Variants in PTPRD observed in about 807,000 individuals in gnomAD.
PTPRD encodes receptor-type tyrosine-protein phosphatase delta.
A neutral mutation model predicts 214.5 loss-of-function variants in PTPRD; 34 were observed. The ratio of observed to expected loss-of-function variants is 0.16; its 90% CI spans 0.12 to 0.21. The LOEUF is 0.21. PTPRD is among the 10% of genes least tolerant of loss of function. The pLI is 1.00. For missense variants in PTPRD, 2,545 were observed against 2,398.7 expected (o/e 1.06, Z -1.27); for synonymous variants, 1,128 against 845.7 (o/e 1.33, Z -5.79).
chr9:9,873,683 G>A lies in PTPRD; in HGVS notation c.-368+64824C>T, dbSNP rs570670567. On this transcript the variant is annotated intron_variant, in intron 5 of 45. Transcript: ENST00000381196. ...ATGTAGTTTGCTATTTAAATAACAC[G>A]AATTATGTAAATGCTCCAAACTGAG... Among the ~76,000 whole-genome samples the A allele has an allele frequency of 1.3e-3, 198 of 152,106 alleles. 1 individual carries two copies. The highest frequency in any genetic ancestry group is 7.5e-3 in the Admixed American group (115 of 15,260).
chr9:10,057,325 G>A (rs1296635741), intron 3 of PTPRD, among the ~76,000 whole-genome samples: 1 of 152,084 alleles, frequency 6.6e-6, no homozygotes, highest in Non-Finnish European at 1.5e-5. Flanking sequence ...ATTTAACAGA[G>A]GAAATTTAAT....
chr9:8,526,697 G>T, intron 16 of PTPRD, 53 bp from the exon 17 acceptor site: 1 of 1,451,764 alleles, frequency 6.9e-7, no homozygotes, highest in Non-Finnish European at 9.4e-7. Context: ...GCATTAGTAC[G>T]AGAAGAAGGA....
chr9:10,339,651 G>C (rs1399943043), intron 3 of PTPRD, among the ~76,000 whole-genome samples: 1 of 151,570 alleles, frequency 6.6e-6, no homozygotes, highest in African/African-American at 2.4e-5. Flanking sequence ...TGGATATTGG[G>C]ACCTCCTCAA....
intron 6 of PTPRD, among the ~76,000 whole-genome samples, chr9:9,738,193 G>GTATACA (rs536918050): frequency 4.6e-5 from 7 of 152,138 alleles, no homozygotes; most frequent in Admixed American, 3.3e-4. Flanking sequence ...CGTGGCACAT[G>GTATACA]TATACATATG....
At chr9:9,943,333 T>G (rs886079029) in intron 4 of PTPRD, among the ~76,000 whole-genome samples, 1 of 152,106 alleles carries the variant, frequency 6.6e-6, no homozygotes, top group Non-Finnish European at 1.5e-5. Flanking sequence ...TGTACAGTAG[T>G]CAGATTAAAA....
intron 12 of PTPRD, among the ~76,000 whole-genome samples, chr9:8,702,345 G>A (rs115252383): frequency 0.011 from 1,632 of 151,728 alleles, 21 homozygotes; most frequent in African/African-American, 0.037. Context: ...CTTATCTTCT[G>A]TGGTCTTTTT....
intron 2 of PTPRD, among the ~76,000 whole-genome samples, chr9:10,382,840 C>T (rs2097848871): frequency 6.6e-6 from 1 of 151,650 alleles, no homozygotes; most frequent in African/African-American, 2.4e-5. Context: ...AATAATGGGG[C>T]TATTTTTAAA....
chr9:8,314,296 G>T lies in PTPRD; in HGVS notation c.*3578C>A, dbSNP rs1820835429. 1 of 221,836 alleles carries T rather than the reference G, an allele frequency of 4.5e-6. No individual in the cohort carries two copies. The highest frequency in any genetic ancestry group is 9.0e-6 in the Non-Finnish European group (1 of 110,608). The allele number at this position is 221,836 out of a possible 1,614,324, so 13.7% of individuals were successfully genotyped here. A position where few individuals can be genotyped will look rare whatever the true frequency, so the allele number is the denominator to read the frequency against. ...AATTCATTTGTAACAAATGGAACTT[G>T]TGTCAGCAAAGAACTGATTTTCATA... On this transcript the variant is annotated 3_prime_UTR_variant, in exon 46 of 46. Transcript: ENST00000381196.
At position 9,631,234 on chromosome 9, in the gene PTPRD, G is replaced by GA. The variant is rs797012295; in HGVS notation, c.-286-56454dup. ...ATAAATAAATAAATAAAAAGAAAAA[G>GA]AAAAAAAAAAAAGAAAGAGTGAGCT... On this transcript the variant is annotated intron_variant, in intron 7 of 45. Coordinates refer to ENST00000381196, the MANE Select transcript of PTPRD (RefSeq NM_002839.4). Among the ~76,000 whole-genome samples the GA allele has an allele frequency of 4.8e-3, 566 of 118,666 alleles. 4 individuals are homozygous for GA. The highest frequency in any genetic ancestry group is 0.017 in the African/African-American group (514 of 29,618). The allele number at this position is 118,666 out of a possible 152,430, so 77.8% of individuals were successfully genotyped here. A position where few individuals can be genotyped will look rare whatever the true frequency, so the allele number is the denominator to read the frequency against.
intron 12 of PTPRD, among the ~76,000 whole-genome samples, chr9:8,715,948 C>A (rs1321497002): frequency 1.3e-5 from 2 of 152,222 alleles, no homozygotes; most frequent in African/African-American, 4.8e-5. Flanking sequence ...CTCACTTGGG[C>A]AATGCCCTTT....
intron 5 of PTPRD, among the ~76,000 whole-genome samples, chr9:9,892,997 G>C (rs915448032): frequency 1.3e-5 from 2 of 152,058 alleles, no homozygotes; most frequent in African/African-American, 4.8e-5. Context: ...CATAAATTTG[G>C]TTTTAGACAA....
intron 7 of PTPRD, among the ~76,000 whole-genome samples, chr9:9,657,998 T>C (rs2096553678): frequency 6.6e-6 from 1 of 152,242 alleles, no homozygotes; most frequent in African/African-American, 2.4e-5. Context: ...GTTTTATGTT[T>C]AGTTTCTTTT....
chr9:9,774,514 G>C (rs2098780755), intron 5 of PTPRD, among the ~76,000 whole-genome samples: 1 of 152,112 alleles, frequency 6.6e-6, no homozygotes, highest in African/African-American at 2.4e-5. Flanking sequence ...AGGAATTGTA[G>C]TTGTCTGATT....
intron 9 of PTPRD, among the ~76,000 whole-genome samples, chr9:9,260,108 T>C (rs1301025001): frequency 1.1e-4 from 16 of 151,870 alleles, no homozygotes; most frequent in Admixed American, 1.1e-3. Context: ...GTGAAATATA[T>C]TTTCTATAAA....
intron 18 of PTPRD, among the ~76,000 whole-genome samples, chr9:8,523,986 A>T (rs924593773): frequency 6.6e-6 from 1 of 152,150 alleles, no homozygotes; most frequent in Non-Finnish European, 1.5e-5. Flanking sequence ...TGTAACTTAA[A>T]GCCCTCTCAG....
chr9:10,213,650 T>C (rs1214527263), intron 3 of PTPRD, among the ~76,000 whole-genome samples: 1 of 152,140 alleles, frequency 6.6e-6, no homozygotes, highest in Admixed American at 6.6e-5. Flanking sequence ...TGATTTTCTT[T>C]ATTTCATTTG....
At chr9:9,624,274 T>C (rs1411156483) in intron 7 of PTPRD, among the ~76,000 whole-genome samples, 2 of 146,446 alleles carry the variant, frequency 1.4e-5, no homozygotes, top group African/African-American at 2.7e-5. Flanking sequence ...TAGCTAGTTT[T>C]TTTTTTGTTT....
chr9:9,475,360 T>C (rs1338692020), intron 8 of PTPRD, among the ~76,000 whole-genome samples: 1 of 152,228 alleles, frequency 6.6e-6, no homozygotes, highest in African/African-American at 2.4e-5. Context: ...AGCCTCACTC[T>C]TTTTACATAT....
intron 9 of PTPRD, among the ~76,000 whole-genome samples, chr9:9,395,766 G>A (rs1024122563): frequency 6.6e-6 from 1 of 151,908 alleles, no homozygotes; most frequent in Non-Finnish European, 1.5e-5. Flanking sequence ...GTAGGAATGT[G>A]GTACGAAACC....
Sources: gnomAD v4.1 joint callset for allele counts (sites outside exome capture counted in the v4.1 genomes callset) on GRCh38, gnomAD v4.1.1 for gene constraint, MANE v1.5 for transcripts, NCBI Gene and HGNC (gene_info 2026-07-23, HGNC 2026-07-21) for gene names.